The following CDH13 variants were observed in gnomAD, a reference collection of about 807,000 sequenced individuals.
The protein encoded by CDH13 is cadherin-13.
A neutral mutation model predicts 63.8 loss-of-function variants in CDH13; 24 were observed. The ratio of observed to expected loss-of-function variants is 0.38; its 90% CI spans 0.27 to 0.53. The LOEUF (loss-of-function observed/expected upper bound fraction) is 0.53, where lower values mean the gene tolerates loss of function less well. Ranked by LOEUF, CDH13 falls within the 20% of genes least tolerant of loss-of-function variation. CDH13 has a pLI of 0.85. For missense variants in CDH13, 1,049 were observed against 903.1 expected (o/e 1.16, Z -2.07); for synonymous variants, 503 against 355.3 (o/e 1.42, Z -4.67).
At chr16:83,266,125 C>T (rs1413254576) in intron 5 of CDH13, among the ~76,000 whole-genome samples, 12 of 151,906 alleles carry the variant, frequency 7.9e-5, no homozygotes, top group South Asian at 4.1e-4. Context: ...TTAGTAGAGA[C>T]GGGGTTTTTA....
At chr16:82,656,273 AAG>A (rs1323257267) in intron 1 of CDH13, among the ~76,000 whole-genome samples, 3 of 151,634 alleles carry the variant, frequency 2.0e-5, no homozygotes, top group Non-Finnish European at 4.4e-5. Flanking sequence ...TGGCTGGAGA[AAG>A]AGGCTGGAGT....
chr16:82,810,295 C>T (rs2037377220), intron 1 of CDH13, among the ~76,000 whole-genome samples: 1 of 152,120 alleles, frequency 6.6e-6, no homozygotes, highest in Non-Finnish European at 1.5e-5. Context: ...CAGAACCCGT[C>T]CTTTCTCTTT....
chr16:83,392,809 A>G (rs887218391), intron 6 of CDH13, among the ~76,000 whole-genome samples: 1 of 152,188 alleles, frequency 6.6e-6, no homozygotes, highest in Non-Finnish European at 1.5e-5. Context: ...TTATGTAGGA[A>G]ATAGAAAAAG....
At chr16:83,674,924 C>A (rs1914827216) in intron 9 of CDH13, among the ~76,000 whole-genome samples, 1 of 152,218 alleles carries the variant, frequency 6.6e-6, no homozygotes, top group Non-Finnish European at 1.5e-5. Context: ...ATTCCCCAAA[C>A]CTTTCACAGG....
chr16:82,832,208 T>C (rs915045496), intron 1 of CDH13, among the ~76,000 whole-genome samples: 2 of 150,154 alleles, frequency 1.3e-5, no homozygotes, highest in Non-Finnish European at 3.0e-5. Flanking sequence ...GATTGAGTGC[T>C]TGCAAGTGGC....
chr16:83,655,436 G>A (rs1053179718), intron 8 of CDH13, among the ~76,000 whole-genome samples: 80 of 152,188 alleles, frequency 5.3e-4, no homozygotes, highest in Non-Finnish European at 1.6e-4. Context: ...TCTGAGGTGG[G>A]GCACTGAGCA....
At chr16:83,672,361 C>T (rs1445049215) in intron 9 of CDH13, among the ~76,000 whole-genome samples, 8 of 142,738 alleles carry the variant, frequency 5.6e-5, no homozygotes, top group Non-Finnish European at 1.2e-4. Context: ...ATCTTCTTCT[C>T]TCTCTATCCT....
intron 7 of CDH13, among the ~76,000 whole-genome samples, chr16:83,533,350 T>C (rs1351048098): frequency 6.6e-6 from 1 of 151,874 alleles, no homozygotes; most frequent in Non-Finnish European, 1.5e-5. Flanking sequence ...TGCCCAGAGG[T>C]GAGTCATTTT....
At chr16:83,632,506 C>G (rs1160403595) in intron 8 of CDH13, among the ~76,000 whole-genome samples, 1 of 151,900 alleles carries the variant, frequency 6.6e-6, no homozygotes, top group Admixed American at 6.6e-5. Flanking sequence ...TCTACTAGAC[C>G]CTCCAGTTCT....
intron 1 of CDH13, among the ~76,000 whole-genome samples, chr16:82,726,517 G>C (rs1354918503): frequency 1.3e-5 from 2 of 152,206 alleles, no homozygotes; most frequent in South Asian, 4.1e-4. Context: ...GGTGGTAGGT[G>C]GGATCTTGCT....
intron 1 of CDH13, among the ~76,000 whole-genome samples, chr16:82,710,317 A>C (rs1179099787): frequency 6.9e-6 from 1 of 145,648 alleles, no homozygotes; most frequent in African/African-American, 2.5e-5. Context: ...GTGGATCATG[A>C]GGTCAGGAGA....
chr16:83,644,984 C>T lies in CDH13; in HGVS notation c.1102-25806C>T, dbSNP rs763643326. ...GCTCCTCGCTTGGACTTCAAACCTACAAGCTCCCCACTCTTGAACCTAACC... is the reference window on the plus strand; with the variant it reads ...GCTCCTCGCTTGGACTTCAAACCTATAAGCTCCCCACTCTTGAACCTAACC... On this transcript the variant is annotated intron_variant, in intron 8 of 13. Transcript: ENST00000567109. Among the ~76,000 whole-genome samples, 93 of 152,196 alleles carry T rather than the reference C, an allele frequency of 6.1e-4. 1 individual carries two copies. The highest frequency in any genetic ancestry group is 2.1e-4 in the Non-Finnish European group (14 of 68,046).
At chr16:82,972,412 T>C (rs1908892197) in intron 2 of CDH13, among the ~76,000 whole-genome samples, 1 of 152,188 alleles carries the variant, frequency 6.6e-6, no homozygotes, top group Non-Finnish European at 1.5e-5. Context: ...CTGAGTCCCA[T>C]TTTGAAAGTC....
At chr16:83,132,185 G>A (rs2036083024) in intron 4 of CDH13, among the ~76,000 whole-genome samples, 1 of 152,090 alleles carries the variant, frequency 6.6e-6, no homozygotes, top group Non-Finnish European at 1.5e-5. Flanking sequence ...CTTAGAGGCT[G>A]AACCAGAAAG....
chr16:83,529,485 T>C (rs948587614), intron 7 of CDH13, among the ~76,000 whole-genome samples: 2 of 152,224 alleles, frequency 1.3e-5, no homozygotes. Context: ...AAATACTATA[T>C]GGCTTTAAAA....
chr16:83,043,439 A>C (rs942818615), intron 3 of CDH13, among the ~76,000 whole-genome samples: 10 of 152,236 alleles, frequency 6.6e-5, no homozygotes, highest in African/African-American at 2.4e-4. Flanking sequence ...ATGTTAAAAA[A>C]CGAAACCAGT....
At chr16:82,931,338 A>G (rs1259915873) in intron 2 of CDH13, among the ~76,000 whole-genome samples, 1 of 152,244 alleles carries the variant, frequency 6.6e-6, no homozygotes, top group Non-Finnish European at 1.5e-5. Context: ...ACTGCTAAAT[A>G]TGAATAATTC....
chr16:83,079,497 G>A (rs2033088982), intron 3 of CDH13, among the ~76,000 whole-genome samples: 1 of 152,104 alleles, frequency 6.6e-6, no homozygotes, highest in Non-Finnish European at 1.5e-5. Flanking sequence ...GCTTTAATGA[G>A]ACTTAAATGG....
At chr16:83,554,827 T>A (rs1354940288) in intron 7 of CDH13, among the ~76,000 whole-genome samples, 1 of 152,144 alleles carries the variant, frequency 6.6e-6, no homozygotes, top group African/African-American at 2.4e-5. Context: ...CATTTTTTCC[T>A]TCAAAAACAT....
Sources: gnomAD v4.1 joint callset for allele counts (sites outside exome capture counted in the v4.1 genomes callset) on GRCh38, gnomAD v4.1.1 for gene constraint, MANE v1.5 for transcripts, NCBI Gene and HGNC (gene_info 2026-07-23, HGNC 2026-07-21) for gene names.